Variants in IST1 observed in about 807,000 individuals in gnomAD.
The protein encoded by IST1 is IST1 homolog.
In IST1, 23 loss-of-function variants were observed where a neutral mutation model predicts 37.0. The ratio of observed to expected loss-of-function variants is 0.62; its 90% CI spans 0.45 to 0.88. The LOEUF (loss-of-function observed/expected upper bound fraction) is 0.88. IST1 is among the 40% of genes least tolerant of loss of function. The probability of loss-of-function intolerance (pLI) is 0.00; values close to 1 mark genes in which losing one functional copy is unlikely to be tolerated. For missense variants in IST1, 488 were observed against 445.4 expected (o/e 1.10, Z -0.86); for synonymous variants, 180 against 161.7 (o/e 1.11, Z -0.86).
intron 1 of IST1, among the ~76,000 whole-genome samples, chr16:71,900,642 A>G (rs911196075): frequency 3.4e-5 from 5 of 145,486 alleles, no homozygotes; most frequent in African/African-American, 1.0e-4. Flanking sequence ...ACTAATAAAA[A>G]TAATGGTGTT....
intron 1 of IST1, among the ~76,000 whole-genome samples, chr16:71,914,729 A>G (rs1352402131): frequency 6.6e-6 from 1 of 152,078 alleles, no homozygotes; most frequent in African/African-American, 2.4e-5. Flanking sequence ...TACTATTCCT[A>G]CTGCTCTTTC....
intron 1 of IST1, among the ~76,000 whole-genome samples, chr16:71,899,900 G>C (rs1220508659): frequency 6.6e-6 from 1 of 151,088 alleles, no homozygotes; most frequent in Non-Finnish European, 1.5e-5. Flanking sequence ...GTGGGTGCCT[G>C]TAGTCCCAGC....
rs573492467 is a variant in IST1 at position 71,901,221 on chromosome 16, TC to T, written c.-16+5633del. ...ATTAAGTCAGTCTTTTGGTTTTTTT[TC>T]TTTTTTTTTGAGACGGAATCTTGCT... On this transcript the variant is annotated intron_variant, in intron 1 of 9. Transcript: ENST00000378799. Among the ~76,000 whole-genome samples, 1,265 of 152,322 alleles carry T rather than the reference TC, an allele frequency of 8.3e-3. 7 individuals carry two copies. Among genetic ancestry groups the T allele is most frequent in the Non-Finnish European group, 0.015 (1,016 of 68,036 alleles).
intron 6 of IST1, 127 bp from the exon 7 acceptor site, chr16:71,922,347 C>G (rs906123592): frequency 1.6e-5 from 12 of 765,846 alleles, no homozygotes; most frequent in South Asian, 8.4e-5. Context: ...TTTCTTCCCC[C>G]ACAGGTGTTG....
At chr16:71,911,710 A>ATTTT (rs550809762) in intron 1 of IST1, among the ~76,000 whole-genome samples, 2 of 90,894 alleles carry the variant, frequency 2.2e-5, no homozygotes, top group African/African-American at 4.2e-5. Context: ...TTAAACTTCG[A>ATTTT]TTTTTTTTTT....
intron 1 of IST1, among the ~76,000 whole-genome samples, chr16:71,908,965 T>C (rs961699083): frequency 1.3e-5 from 2 of 152,220 alleles, no homozygotes; most frequent in Non-Finnish European, 2.9e-5. Flanking sequence ...AAAGAGACAC[T>C]GAACCTAGAA....
chr16:71,913,965 C>T (rs61467492), intron 1 of IST1, among the ~76,000 whole-genome samples: 5,788 of 152,136 alleles, frequency 0.038, 338 homozygotes, highest in African/African-American at 0.13. Context: ...TGCGCCACCA[C>T]GCCTGGCTAA....
rs2037637946 is a variant in IST1, at chr16:71,922,789, G to C, written c.759+109G>C. ...GGTTGTCAGGAGCCATTAGCAGTAA[G>C]AACATTTGGTATTAGCTGGCAGTCA... On this transcript the variant is annotated intron_variant, in intron 7 of 9. Transcript: ENST00000378799. 4.5e-6 allele frequency: 4 copies of C among 884,756 alleles called. No individual in the cohort carries two copies. The East Asian group carries it at 1.1e-4, about 23-fold the overall frequency. The allele number at this position is 884,756 out of a possible 1,614,324, so 54.8% of individuals were successfully genotyped here.
rs558515676 is a variant in IST1 at position 71,908,854 on chromosome 16, A to G, written c.-15-6772A>G. 2.6e-5 allele frequency among the ~76,000 whole-genome samples: 4 copies of G among 152,178 alleles called. No homozygotes were observed. In the East Asian group the frequency reaches 7.7e-4, roughly 29 times the overall value. The stretch of plus-strand genomic sequence containing the variant: ...ATAAACTCGCCGCCAGTTTATTGGT[A>G]CTTCAAATTGTGGTCTTCTTCATCC... On this transcript the variant is annotated intron_variant, in intron 1 of 9. Coordinates refer to ENST00000378799, the MANE Select transcript of IST1 (RefSeq NM_001270975.2).
rs1205315881 is a variant in IST1, at chr16:71,927,810, A to C, written c.1098A>C (p.Thr366=). 1 of 1,612,506 alleles carries C rather than the reference A, an allele frequency of 6.2e-7. No homozygotes were observed. Among genetic ancestry groups the C allele is most frequent in the East Asian group, 2.2e-5 (1 of 44,884 alleles). ...GGTTTGAAGAGCTGAAAAAGAAAAC[A>C]TAGGTCTCTTAAACCAGGCAACTTT... ...SRRFEELKKK[T] Residue 366 remains threonine, a synonymous_variant, in exon 10 of 10, where the codon ACA becomes ACC. Transcript: ENST00000378799.
chr16:71,903,359 CATAT>C (rs1377532772), intron 1 of IST1: 1 of 152,072 alleles, frequency 6.6e-6, no homozygotes. Flanking sequence ...AAATTCGTTA[CATAT>C]ATATATTTTT....
chr16:71,922,246 C>T (rs746947767), intron 6 of IST1, among the ~76,000 whole-genome samples: 10 of 152,214 alleles, frequency 6.6e-5, no homozygotes, highest in Middle Eastern at 6.3e-3. Context: ...CCATCAGGTC[C>T]ATTCCAGCTG....
upstream of IST1, chr16:71,894,468 A>G: frequency 5.4e-6 from 1 of 184,240 alleles, no homozygotes; most frequent in Non-Finnish European, 1.1e-5. Flanking sequence ...CTGGTCTCGA[A>G]TTACCGACTT....
chr16:71,924,864 C>CTGCTG, intron 9 of IST1, 47 bp downstream of exon 9: 1 of 1,290,748 alleles, frequency 7.7e-7, no homozygotes, highest in Non-Finnish European at 1.1e-6. Context: ...GCTGAACCCT[C>CTGCTG]TGCTGTTTTC....
chr16:71,907,449 T>C (rs1324311402), intron 1 of IST1, among the ~76,000 whole-genome samples: 1 of 152,026 alleles, frequency 6.6e-6, no homozygotes, highest in Non-Finnish European at 1.5e-5. Context: ...GGCTAATTTT[T>C]TGCATTTTTA....
rs183542397 is a variant in IST1 at position 71,924,861 on chromosome 16, C to G, written c.901+44C>G. The stretch of plus-strand genomic sequence containing the variant: ...AAACCTGCAGAGCTCAGTGCTGAAC[C>G]CTCTGCTGTTTTCTCATTATTGTTC... On this transcript the variant is annotated intron_variant, in intron 9 of 9. Coordinates refer to ENST00000378799, the MANE Select transcript of IST1 (RefSeq NM_001270975.2). The G allele has an allele frequency of 1.2e-4, 155 of 1,337,300 alleles. 1 individual carries two copies. The South Asian group carries it at 1.2e-3, about 10-fold the overall frequency. 82.8% of individuals were successfully genotyped at this position (1,337,300 alleles called of 1,614,324 possible). A position where few individuals can be genotyped will look rare whatever the true frequency, so the allele number is the denominator to read the frequency against.
In IST1 at chr16:71,922,651, C is replaced by A. The variant is rs1195703250; in HGVS notation, c.730C>A (p.Pro244Thr). 1 of 1,612,884 alleles carries A rather than the reference C, an allele frequency of 6.2e-7. No individual in the cohort carries two copies. Residue 244 changes from proline to threonine, a missense_variant, in exon 7 of 10, where the codon CCT (proline) becomes ACT (threonine). By Grantham distance (38) the Pro-to-Thr change is conservative. Transcript: ENST00000378799. The part of the protein sequence containing the change: ...MPMPMPSANT[P>T]FSYPLPKGPS... ...CATGCCTATGCCATCTGCAAATACGCCTTTCTCATATCCACTGCCAAAGGG... is the reference window on the plus strand; with the variant it reads ...CATGCCTATGCCATCTGCAAATACGACTTTCTCATATCCACTGCCAAAGGG...
At chr16:71,924,289 T>G in intron 8 of IST1, 1 of 407,064 alleles carries the variant, frequency 2.5e-6, no homozygotes, top group Non-Finnish European at 4.9e-6. Flanking sequence ...ATGGTAAGGA[T>G]TTTTTTTTCT....
At chr16:71,903,025 T>C (rs2037142464) in intron 1 of IST1, 1 of 152,184 alleles carries the variant, frequency 6.6e-6, no homozygotes, top group Non-Finnish European at 1.5e-5. Context: ...TCTTGCTCTG[T>C]TGTCCAGCCT....
Sources: gnomAD v4.1 joint callset for allele counts (sites outside exome capture counted in the v4.1 genomes callset) on GRCh38, gnomAD v4.1.1 for gene constraint, MANE v1.5 for transcripts, NCBI Gene and HGNC (gene_info 2026-07-23, HGNC 2026-07-21) for gene names.